Variants in EIF4E observed in about 807,000 individuals in gnomAD.
EIF4E encodes the protein eIF-4F 25 kDa subunit.
For synonymous variants in EIF4E, 71 were observed against 88.5 expected (o/e 0.80, Z 1.11); for missense variants, 113 against 265.6 (o/e 0.43, Z 3.99).
At chr4:98,889,506 T>G (rs1194106548) in intron 3 of EIF4E, among the ~76,000 whole-genome samples, 4 of 152,156 alleles carry the variant, frequency 2.6e-5, no homozygotes, top group Non-Finnish European at 5.9e-5. Flanking sequence ...TAATGGCACA[T>G]CTAAACAGAA....
chr4:98,912,083 T>C (rs534715774), intron 1 of EIF4E, among the ~76,000 whole-genome samples: 104 of 151,496 alleles, frequency 6.9e-4, no homozygotes, highest in Non-Finnish European at 6.5e-4. Flanking sequence ...TGAAACCCCA[T>C]CTCTACCAAA....
At chr4:98,882,396 CAAAAAAA>C (rs33922454) in intron 6 of EIF4E, among the ~76,000 whole-genome samples, 1 of 85,212 alleles carries the variant, frequency 1.2e-5, no homozygotes, top group African/African-American at 4.5e-5. Context: ...GACTCCGTCT[CAAAAAAA>C]AAAAAAAAAA....
chr4:98,912,975 G>A (rs1051605154), intron 1 of EIF4E, among the ~76,000 whole-genome samples: 25 of 152,300 alleles, frequency 1.6e-4, no homozygotes, highest in Admixed American at 1.5e-3. Context: ...GGGAGGCCGA[G>A]GCAGGCGGAT....
At chr4:98,921,891 T>A (rs1008043127) in intron 1 of EIF4E, among the ~76,000 whole-genome samples, 5 of 152,216 alleles carry the variant, frequency 3.3e-5, no homozygotes, top group African/African-American at 9.6e-5. Flanking sequence ...TAAGTGTCCA[T>A]CCACTTTCTT....
rs191595638 is a variant in EIF4E at position 98,884,461 on chromosome 4, G to T, written c.539+461C>A. On this transcript the variant is annotated intron_variant, in intron 6 of 6. Transcript: ENST00000450253. The stretch of plus-strand genomic sequence containing the variant: ...CTCATGCCTGTAATGATAGCACTTT[G>T]GGAGGCTGAGGTGGACGGATCACTT... Among the ~76,000 whole-genome samples the T allele has an allele frequency of 2.0e-3, 308 of 152,272 alleles. 6 individuals are homozygous for T. Among genetic ancestry groups the T allele is most frequent in the Admixed American group, 0.018 (281 of 15,284 alleles).
chr4:98,928,931 C>T (rs1721351622), intron 1 of EIF4E, 164 bp downstream of exon 1: 1 of 1,575,124 alleles, frequency 6.3e-7, no homozygotes, highest in East Asian at 2.4e-5. Context: ...CGGCCATCCT[C>T]CGGGACGTCC....
At position 98,883,016 on chromosome 4, in the gene EIF4E, TG is replaced by T. The variant is rs1200131470; in HGVS notation, c.540-1875del. ...TAAAAATTTACATGGCTGAGAGCAA[TG>T]GATCACGCCTGAAATCCCAGCACTT... On this transcript the variant is annotated intron_variant, in intron 6 of 6. Transcript: ENST00000450253. Among the ~76,000 whole-genome samples the T allele has an allele frequency of 3.3e-5, 5 of 152,186 alleles. No homozygotes were observed. The East Asian group carries it at 7.7e-4, about 23-fold the overall frequency.
chr4:98,923,641 C>G (rs982707824), intron 1 of EIF4E, among the ~76,000 whole-genome samples: 2 of 152,092 alleles, frequency 1.3e-5, no homozygotes, highest in Non-Finnish European at 2.9e-5. Context: ...TGATTAGGGA[C>G]TTTTGAAGGA....
At chr4:98,898,966 T>C (rs1724532569) in intron 2 of EIF4E, among the ~76,000 whole-genome samples, 1 of 151,772 alleles carries the variant, frequency 6.6e-6, no homozygotes, top group South Asian at 2.1e-4. Flanking sequence ...AAAGCTTAAC[T>C]GTGTGGTAAA....
intron 2 of EIF4E, among the ~76,000 whole-genome samples, chr4:98,894,261 T>A (rs747723293): frequency 6.6e-6 from 1 of 152,230 alleles, no homozygotes; most frequent in Non-Finnish European, 1.5e-5. Flanking sequence ...CTTAAAGTCA[T>A]TGGCTGCAAG....
chr4:98,898,002 A>G (rs1467064971), intron 2 of EIF4E, among the ~76,000 whole-genome samples: 2 of 152,160 alleles, frequency 1.3e-5, no homozygotes, highest in African/African-American at 4.8e-5. Flanking sequence ...TGACAGACCA[A>G]TGGATTTTAA....
intron 1 of EIF4E, among the ~76,000 whole-genome samples, chr4:98,923,479 A>AT (rs1560657027): frequency 6.6e-6 from 1 of 151,714 alleles, no homozygotes. Flanking sequence ...TATTCAGCTA[A>AT]TTTTTTAATT....
rs1415610440 is a variant in EIF4E at position 98,923,118 on chromosome 4, C to T, written c.18+5977G>A. ...CGCCCACCTCAGCCTCCCAAAGTGT[C>T]GGGATTACAGGCGTGAGCCACCACG... is the stretch of plus-strand genomic sequence containing the variant. On this transcript the variant is annotated intron_variant, in intron 1 of 6. Transcript: ENST00000450253. Among the ~76,000 whole-genome samples, 9 of 150,756 alleles carry T rather than the reference C, an allele frequency of 6.0e-5. No homozygotes were observed. In the South Asian group the frequency reaches 6.3e-4, roughly 10 times the overall value.
chr4:98,887,765 C>A lies in EIF4E; in HGVS notation c.285+124G>T. On this transcript the variant is annotated intron_variant, in intron 4 of 6. Coordinates refer to ENST00000450253, the MANE Select transcript of EIF4E (RefSeq NM_001968.5). This position sits in a 1 kb window ranked among gnomAD's most constrained non-coding sequence, Gnocchi z 4.0. Reference sequence around the variant, plus strand: ...ATATTGATACTAAAGCATACTACAGCCAATTAAATTATCAGCCTATTCATC... The same window carrying A: ...ATATTGATACTAAAGCATACTACAGACAATTAAATTATCAGCCTATTCATC... 1.2e-6 allele frequency: 1 copy of A among 821,666 alleles called. No individual in the cohort carries two copies. The highest frequency in any genetic ancestry group is 2.7e-5 in the East Asian group (1 of 36,800). The allele number at this position is 821,666 out of a possible 1,614,324, so 50.9% of individuals were successfully genotyped here.
intron 6 of EIF4E, among the ~76,000 whole-genome samples, chr4:98,882,249 G>A (rs1039468696): frequency 8.6e-5 from 13 of 151,864 alleles, no homozygotes; most frequent in South Asian, 2.1e-4. Flanking sequence ...AAAATTAGCC[G>A]GGTGTGGTGG....
At chr4:98,902,636 T>A (rs912268398) in intron 1 of EIF4E, among the ~76,000 whole-genome samples, 3 of 152,110 alleles carry the variant, frequency 2.0e-5, no homozygotes, top group African/African-American at 4.8e-5. Context: ...CATATTAAGA[T>A]ACTGCATATG....
chr4:98,910,774 G>A (rs1006576547), intron 1 of EIF4E, among the ~76,000 whole-genome samples: 1 of 151,260 alleles, frequency 6.6e-6, no homozygotes, highest in Non-Finnish European at 1.5e-5. Flanking sequence ...CTGCCACACA[G>A]GCTGGAGTGC....
intron 1 of EIF4E, chr4:98,928,870 G>T (rs937575300): frequency 2.6e-6 from 4 of 1,539,002 alleles, no homozygotes; most frequent in African/African-American, 2.7e-5. Context: ...CCCCCACACC[G>T]CTCCCCCAGT....
intron 5 of EIF4E, among the ~76,000 whole-genome samples, chr4:98,886,021 C>T (rs1350920951): frequency 6.6e-6 from 1 of 152,094 alleles, no homozygotes; most frequent in Non-Finnish European, 1.5e-5. Context: ...GCTGTGCTGG[C>T]ATGCACCTGT....
Sources: gnomAD v4.1 joint callset for allele counts (sites outside exome capture counted in the v4.1 genomes callset) on GRCh38, gnomAD v4.1.1 for gene constraint, Gnocchi (gnomAD v3.1) non-coding constraint, MANE v1.5 for transcripts, NCBI Gene and HGNC (gene_info 2026-07-23, HGNC 2026-07-21) for gene names.